The following CCDC157 variants were observed in gnomAD, a reference collection of about 807,000 sequenced individuals.
CCDC157 encodes the protein coiled-coil domain containing 157.
A neutral mutation model predicts 70.9 loss-of-function variants in CCDC157; 60 were observed. The ratio of observed to expected loss-of-function variants is 0.85; its 90% CI spans 0.69 to 1.05. The LOEUF (loss-of-function observed/expected upper bound fraction) is 1.05, where lower values mean the gene tolerates loss of function less well. Ranked by LOEUF, CCDC157 falls within the 50% of genes least tolerant of loss-of-function variation. The pLI is 0.00. For missense variants in CCDC157, 943 were observed against 984.2 expected (o/e 0.96, Z 0.56); for synonymous variants, 373 against 422.4 (o/e 0.88, Z 1.43).
Position 30,373,622 on chromosome 22 carries a change from T to C in CCDC157, c.1361T>C (p.Leu454Pro). The change falls in exon 8 of 12, where the codon CTG becomes CCG. Residue 454 changes from leucine (L) to proline (P), a missense_variant. Transcript: ENST00000338306. Reference protein sequence around the residue: ...QESLQAKQRALLKQLDSLDQE... With the variant: ...QESLQAKQRAPLKQLDSLDQE... ...TCTCTGCAGGCCAAGCAGCGAGCCC[T>C]GCTAAAGCAGCTGGACAGCCTGGAC... 6.4e-7 allele frequency: 1 copy of C among 1,556,224 alleles called. No homozygotes were observed. The highest frequency in any genetic ancestry group is 8.7e-7 in the Non-Finnish European group (1 of 1,149,676).
intron 6 of CCDC157, 43 bp downstream of exon 6, chr22:30,371,770 A>T: frequency 2.0e-6 from 3 of 1,509,220 alleles, no homozygotes; most frequent in Non-Finnish European, 2.8e-6. Flanking sequence ...ATCTCAAGCC[A>T]GGGGTGTGGC....
intron 1 of CCDC157, among the ~76,000 whole-genome samples, chr22:30,359,092 T>C (rs1267630367): frequency 6.6e-6 from 1 of 152,230 alleles, no homozygotes; most frequent in African/African-American, 2.4e-5. Context: ...GATCAGTGTT[T>C]CCTGGTGCCT....
intron 9 of CCDC157, chr22:30,374,798 T>G (rs555023250): frequency 4.4e-6 from 2 of 453,718 alleles, no homozygotes; most frequent in South Asian, 1.5e-5. Flanking sequence ...GAAGCATCCA[T>G]CACAAAAGCA....
At chr22:30,358,692 C>G (rs1372798042) in intron 1 of CCDC157, among the ~76,000 whole-genome samples, 1 of 152,230 alleles carries the variant, frequency 6.6e-6, no homozygotes, top group Non-Finnish European at 1.5e-5. Flanking sequence ...CTGCTCTTCT[C>G]TGGGAGTCAA....
Position 30,378,141 on chromosome 22 carries a change from A to G in CCDC157, c.*1396A>G, listed in dbSNP as rs998513049. 7 of 470,976 alleles carry G rather than the reference A, an allele frequency of 1.5e-5. No homozygotes were observed. In the East Asian group the frequency reaches 2.8e-4, roughly 19 times the overall value. The allele number at this position is 470,976 out of a possible 1,614,324, so 29.2% of individuals were successfully genotyped here. On this transcript the variant is annotated 3_prime_UTR_variant, in exon 12 of 12. Coordinates refer to ENST00000338306, the MANE Select transcript of CCDC157 (RefSeq NM_001017437.5). ...CCTTCCTTGCCATGGGGCTCCCTCC[A>G]TCTTCAAGTCAACAACAGAGGATTT...
intron 2 of CCDC157, among the ~76,000 whole-genome samples, chr22:30,365,209 GC>G (rs1366608191): frequency 6.6e-6 from 1 of 152,180 alleles, no homozygotes; most frequent in Non-Finnish European, 1.5e-5. Flanking sequence ...AGAGGAGTTA[GC>G]CAGGTGATGG....
Position 30,372,149 on chromosome 22 carries a change from G to A in CCDC157, c.1198G>A (p.Glu400Lys), listed in dbSNP as rs1464075166. ...GGAGAGGCAGGTGCAGCAGCTGGAG[G>A]AGCAGGTGCAGCAGTTGGAGGCGCA... The part of the protein sequence containing the change: ...AAERQVQQLE[E>K]QVQQLEAQVQ... The change falls in exon 7 of 12, where the codon GAG becomes AAG. Residue 400 changes from glutamate to lysine, a missense_variant. Transcript: ENST00000338306. 1 of 1,559,544 alleles carries A rather than the reference G, an allele frequency of 6.4e-7. No homozygotes were observed.
At chr22:30,375,083 T>C (rs2145958844) in intron 9 of CCDC157, 1 of 302,586 alleles carries the variant, frequency 3.3e-6, no homozygotes, top group South Asian at 3.0e-5. Flanking sequence ...CTCAGCCTCC[T>C]GAGTAGCTGG....
At chr22:30,375,808 T>C in intron 10 of CCDC157, 145 bp downstream of exon 10, 1 of 709,010 alleles carries the variant, frequency 1.4e-6, no homozygotes, top group Admixed American at 3.1e-5. Flanking sequence ...ATTTTTCACA[T>C]TTCCAGAAGG....
intron 3 of CCDC157, chr22:30,366,706 G>C (rs962295201): frequency 4.9e-6 from 1 of 205,436 alleles, no homozygotes; most frequent in Admixed American, 5.3e-5. Context: ...ATCCTGACCC[G>C]CTGGGAAGAG....
At chr22:30,359,795 A>G in intron 1 of CCDC157, among the ~76,000 whole-genome samples, 1 of 152,194 alleles carries the variant, frequency 6.6e-6, no homozygotes, top group East Asian at 1.9e-4. Context: ...ATTGACCTTT[A>G]TTTTTACTCT....
intron 5 of CCDC157, chr22:30,371,155 C>T: frequency 1.5e-6 from 1 of 652,256 alleles, no homozygotes. Flanking sequence ...CCACTGGGGC[C>T]ACCAGGAGCT....
intron 4 of CCDC157, chr22:30,370,007 G>A: frequency 2.0e-6 from 1 of 500,808 alleles, no homozygotes; most frequent in Non-Finnish European, 3.6e-6. Context: ...TGACACAAGA[G>A]CAGGCAGGTC....
In CCDC157 at chr22:30,366,347, T is replaced by C. The variant is rs958718987; in HGVS notation, c.248+99T>C. 3.8e-5 allele frequency: 56 copies of C among 1,481,930 alleles called. No homozygotes were observed. The East Asian group carries it at 1.2e-3, about 32-fold the overall frequency. The allele number at this position is 1,481,930 out of a possible 1,614,324, so 91.8% of individuals were successfully genotyped here. On this transcript the variant is annotated intron_variant, in intron 3 of 11. Transcript: ENST00000338306. Reference sequence around the variant, plus strand: ...GCCCCTCCAGAGGCAGGGGTGATGTTGGAACAACAGTCACCATTGAGTACC... The same window carrying C: ...GCCCCTCCAGAGGCAGGGGTGATGTCGGAACAACAGTCACCATTGAGTACC...
At chr22:30,372,616 T>C in intron 7 of CCDC157, 1 of 249,908 alleles carries the variant, frequency 4.0e-6, no homozygotes, top group Non-Finnish European at 7.7e-6. Context: ...CCAGAATGGC[T>C]TCTAGGAGGA....
chr22:30,376,887 C>A lies in CCDC157; in HGVS notation c.*142C>A. 4 of 832,168 alleles carry A rather than the reference C, an allele frequency of 4.8e-6. No individual in the cohort carries two copies. Among genetic ancestry groups the A allele is most frequent in the African/African-American group, 1.7e-5 (1 of 58,448 alleles). The allele number at this position is 832,168 out of a possible 1,614,324, so 51.5% of individuals were successfully genotyped here. A position where few individuals can be genotyped will look rare whatever the true frequency, so the allele number is the denominator to read the frequency against. ...AGAACCCTTCCTTCCCTGTCCTGGG[C>A]AGGGGCCACTGAGTCCCCAGCCATG... is the stretch of plus-strand genomic sequence containing the variant. On this transcript the variant is annotated 3_prime_UTR_variant, in exon 12 of 12. Transcript: ENST00000338306.
chr22:30,360,851 G>C (rs1932288434), intron 1 of CCDC157, among the ~76,000 whole-genome samples: 1 of 152,062 alleles, frequency 6.6e-6, no homozygotes, highest in South Asian at 2.1e-4. Flanking sequence ...TTTGAGACTA[G>C]CCTGACCAAC....
chr22:30,371,387 G>T, intron 5 of CCDC157: 1 of 539,804 alleles, frequency 1.9e-6, no homozygotes, highest in Non-Finnish European at 3.3e-6. Context: ...TGAGGGATTT[G>T]CCCTTTCTGA....
chr22:30,374,963 T>A (rs1173457716), intron 9 of CCDC157: 5 of 315,930 alleles, frequency 1.6e-5, no homozygotes, highest in Admixed American at 8.4e-5. Flanking sequence ...TCTTTTTTTT[T>A]TTTTTTTTTT....
Sources: allele counts gnomAD v4.1 joint callset (sites outside exome capture counted in the v4.1 genomes callset), GRCh38; gene constraint gnomAD v4.1.1; transcripts MANE v1.5; gene names NCBI Gene and HGNC (gene_info 2026-07-23, HGNC 2026-07-21).